Variants in ENO1 observed in about 807,000 individuals in gnomAD.
ENO1 encodes enolase 1.
In ENO1, 33 loss-of-function variants were observed where a neutral mutation model predicts 46.3. The observed-to-expected ratio is 0.71, with a 90% confidence interval of 0.54 to 0.95. The LOEUF (loss-of-function observed/expected upper bound fraction) is 0.95. ENO1 is among the 40% of genes least tolerant of loss of function. The probability of loss-of-function intolerance (pLI) is 0.00; values close to 1 mark genes in which losing one functional copy is unlikely to be tolerated. For missense variants in ENO1, 488 were observed against 553.3 expected (o/e 0.88, Z 1.18); for synonymous variants, 220 against 216.0 (o/e 1.02, Z -0.16).
chr1:8,871,568 T>C, intron 3 of ENO1: 1 of 1,088,166 alleles, frequency 9.2e-7, no homozygotes, highest in Non-Finnish European at 1.1e-6. Flanking sequence ...GGGAAACTTT[T>C]CTTTAGTTAA....
intron 1 of ENO1, among the ~76,000 whole-genome samples, chr1:8,876,508 C>T (rs1427637201): frequency 6.6e-6 from 1 of 152,194 alleles, no homozygotes; most frequent in Non-Finnish European, 1.5e-5. Context: ...TCCAGGCCAC[C>T]ACTGTGGTAT....
intron 6 of ENO1, 188 bp from the exon 7 acceptor site, chr1:8,866,689 G>C (rs1642526558): frequency 3.1e-6 from 2 of 643,970 alleles, no homozygotes; most frequent in Non-Finnish European, 5.3e-6. Flanking sequence ...TTTAGAGACA[G>C]GGTTTCACTA....
intron 4 of ENO1, among the ~76,000 whole-genome samples, chr1:8,868,848 A>ATT (rs35848392): frequency 6.0e-4 from 89 of 149,210 alleles, no homozygotes; most frequent in Middle Eastern, 6.9e-3. Flanking sequence ...TAATTTTTAT[A>ATT]TTTTTTTTTT....
At chr1:8,871,776 G>A in intron 3 of ENO1, 115 bp downstream of exon 3, 1 of 1,327,078 alleles carries the variant, frequency 7.5e-7, no homozygotes. Context: ...GTCACAGCAG[G>A]TTTACCTGCC....
At chr1:8,862,451 C>T (rs1477036570) in intron 11 of ENO1, among the ~76,000 whole-genome samples, 1 of 152,208 alleles carries the variant, frequency 6.6e-6, no homozygotes, top group Non-Finnish European at 1.5e-5. Flanking sequence ...GAGACCAGAA[C>T]AGCCCCACAG....
intron 9 of ENO1, 107 bp downstream of exon 9, chr1:8,863,784 G>T: frequency 7.9e-7 from 1 of 1,265,916 alleles, no homozygotes; most frequent in Non-Finnish European, 1.2e-6. Flanking sequence ...ATTCCAGCGA[G>T]TCCTACATTC....
At chr1:8,862,224 C>T (rs1642419106) in intron 11 of ENO1, among the ~76,000 whole-genome samples, 1 of 152,186 alleles carries the variant, frequency 6.6e-6, no homozygotes. Flanking sequence ...TGCCCCACTG[C>T]ACTCCAGCCT....
chr1:8,876,602 C>T (rs1035468706), intron 1 of ENO1, among the ~76,000 whole-genome samples: 2 of 151,974 alleles, frequency 1.3e-5, no homozygotes, highest in African/African-American at 2.4e-5. Flanking sequence ...TGACTTAAGA[C>T]GAAAGAAAGT....
At position 8,861,335 on chromosome 1, in the gene ENO1, A is replaced by G. The variant is rs1642397151; in HGVS notation, c.*25T>C. The G allele has an allele frequency of 1.2e-6, 2 of 1,612,898 alleles. No homozygotes were observed. Among genetic ancestry groups the G allele is most frequent in the Non-Finnish European group, 1.7e-6 (2 of 1,179,846 alleles). ...GAGGGGTCTGTGTAGCCAACAGGTG[A>G]CCGAAGGGCTTGCCTGCCCACAGCT... On this transcript the variant is annotated 3_prime_UTR_variant, in exon 12 of 12. Transcript: ENST00000234590.
In ENO1 at chr1:8,861,358, G is replaced by A; in HGVS notation, c.*2C>T. On this transcript the variant is annotated 3_prime_UTR_variant, in exon 12 of 12. Coordinates refer to ENST00000234590, the MANE Select transcript of ENO1 (RefSeq NM_001428.5). The stretch of plus-strand genomic sequence containing the variant: ...TGACCGAAGGGCTTGCCTGCCCACA[G>A]CTTACTTGGCCAAGGGGTTTCTGAA... 1 of 1,613,764 alleles carries A rather than the reference G, an allele frequency of 6.2e-7. No individual in the cohort carries two copies. The highest frequency in any genetic ancestry group is 8.5e-7 in the Non-Finnish European group (1 of 1,180,018).
At chr1:8,867,776 T>C (rs1249122733) in intron 5 of ENO1, among the ~76,000 whole-genome samples, 1 of 152,134 alleles carries the variant, frequency 6.6e-6, no homozygotes, top group Non-Finnish European at 1.5e-5. Flanking sequence ...GTGATCCACC[T>C]GCCTCAGCCT....
Position 8,866,339 on chromosome 1 carries a change from CT to C in ENO1, c.606del (p.Asp203MetfsTer25). On this transcript the variant is annotated frameshift_variant, in exon 7 of 12. Coordinates refer to ENST00000234590, the MANE Select transcript of ENO1 (RefSeq NM_001428.5). LOFTEE classifies it high-confidence loss of function. The part of the protein sequence containing the change: ...LKNVIKEKYG[K>X]DATNVGDEGG... Reference sequence around the variant, plus strand: ...CCTTCATCCCCCACATTGGTGGCATCTTTCCCATATTTCTCCTTGATGACAT... The same window carrying C: ...CCTTCATCCCCCACATTGGTGGCATCTTCCCATATTTCTCCTTGATGACAT... The C allele has an allele frequency of 6.2e-7, 1 of 1,614,162 alleles. No individual in the cohort carries two copies. The highest frequency in any genetic ancestry group is 8.5e-7 in the Non-Finnish European group (1 of 1,180,040).
chr1:8,866,946 C>T (rs28999083), intron 6 of ENO1, among the ~76,000 whole-genome samples, 171 bp downstream of exon 6: 52 of 152,274 alleles, frequency 3.4e-4, no homozygotes, highest in African/African-American at 1.2e-3. Context: ...GATAAAGGAC[C>T]TGGGGCACAG....
chr1:8,863,002 G>A, intron 10 of ENO1, 57 bp from the exon 11 acceptor site: 4 of 1,595,816 alleles, frequency 2.5e-6, no homozygotes, highest in Non-Finnish European at 3.4e-6. Context: ...GGCATTTCTG[G>A]CAGGGAGAGG....
chr1:8,861,283 C>T lies in ENO1; in HGVS notation c.*77G>A. The T allele has an allele frequency of 5.9e-6, 9 of 1,514,944 alleles. No individual in the cohort carries two copies. Among genetic ancestry groups the T allele is most frequent in the Non-Finnish European group, 8.2e-6 (9 of 1,094,344 alleles). The allele number at this position is 1,514,944 out of a possible 1,614,324, so 93.8% of individuals were successfully genotyped here. The stretch of plus-strand genomic sequence containing the variant: ...ACCCCTGCAAGTGTTGGTCGGGGGC[C>T]TCGAGCTGCCTGAGCTGACACGAGG... On this transcript the variant is annotated 3_prime_UTR_variant, in exon 12 of 12. Transcript: ENST00000234590.
chr1:8,863,092 G>A, intron 10 of ENO1, 143 bp downstream of exon 10: 1 of 1,335,902 alleles, frequency 7.5e-7, no homozygotes. Context: ...GGGCGCTCAT[G>A]CCCCCATTCT....
chr1:8,876,841 G>A (rs1642743116), intron 1 of ENO1, among the ~76,000 whole-genome samples: 1 of 129,308 alleles, frequency 7.7e-6, no homozygotes, highest in Non-Finnish European at 1.8e-5. Context: ...AAAATAAAGT[G>A]TGATTTTTTT....
intron 5 of ENO1, among the ~76,000 whole-genome samples, chr1:8,867,602 C>A (rs1557582429): frequency 6.6e-6 from 1 of 151,888 alleles, no homozygotes. Flanking sequence ...ATTGCCCAGG[C>A]TGCAGTGCAG....
At position 8,867,190 on chromosome 1, in the gene ENO1, A is replaced by G. The variant is rs1484614684; in HGVS notation, c.371T>C (p.Val124Ala). Residue 124 changes from valine (V) to alanine (A), a missense_variant, in exon 6 of 12, where the codon GTT becomes GCT. Val to Ala is a moderately conservative substitution (Grantham distance 64, BLOSUM62 0). Coordinates refer to ENST00000234590, the MANE Select transcript of ENO1 (RefSeq NM_001428.5). ...GCGGTACAGGGGGACCCCCTTCTCA[A>G]CGGCACCAGCTTTGCAGACGGCAAG... ...VSLAVCKAGA[V>A]EKGVPLYRHI... 3 of 1,614,146 alleles carry G rather than the reference A, an allele frequency of 1.9e-6. No homozygotes were observed. Among genetic ancestry groups the G allele is most frequent in the East Asian group, 2.2e-5 (1 of 44,888 alleles).
Sources: allele counts gnomAD v4.1 joint callset (sites outside exome capture counted in the v4.1 genomes callset), GRCh38; gene constraint gnomAD v4.1.1; transcripts MANE v1.5; gene names NCBI Gene and HGNC (gene_info 2026-07-23, HGNC 2026-07-21).